Variants in MMAB observed in about 807,000 individuals in gnomAD.
The protein encoded by MMAB is metabolism of cobalamin associated B.
MMAB carries 17 observed loss-of-function variants against 30.6 expected under a neutral mutation model. The ratio of observed to expected loss-of-function variants is 0.56; its 90% CI spans 0.38 to 0.83. The LOEUF is 0.83. Ranked by LOEUF, MMAB falls within the 40% of genes least tolerant of loss-of-function variation. The probability of loss-of-function intolerance (pLI) is 0.00; values close to 1 mark genes in which losing one functional copy is unlikely to be tolerated. For missense variants in MMAB, 311 were observed against 331.6 expected, an observed-to-expected ratio of 0.94 and a Z score of 0.48; for synonymous variants, 134 against 138.6, an observed-to-expected ratio of 0.97 and a Z score of 0.23.
At chr12:109,563,603 G>A (rs1884294815) in intron 4 of MMAB, among the ~76,000 whole-genome samples, 1 of 152,242 alleles carries the variant, frequency 6.6e-6, no homozygotes, top group East Asian at 1.9e-4. Flanking sequence ...TGGAGATTAG[G>A]TGGCCAGGGA....
chr12:109,554,349 C>G lies in MMAB; in HGVS notation c.*2679G>C, dbSNP rs546327751. On this transcript the variant is annotated 3_prime_UTR_variant, in exon 9 of 9. Transcript: ENST00000545712. The stretch of plus-strand genomic sequence containing the variant: ...ACACAAGAGCCAACTGCCAGCTTGT[C>G]TCTGGAAATGACACTAAACACCCCA... The G allele has an allele frequency of 4.9e-4, 224 of 454,094 alleles. 2 individuals carry two copies. The highest frequency in any genetic ancestry group is 3.2e-3 in the South Asian group (205 of 64,480). The allele number at this position is 454,094 out of a possible 1,614,324, so 28.1% of individuals were successfully genotyped here.
Position 109,554,763 on chromosome 12 carries a change from T to TA in MMAB, c.*2264dup, listed in dbSNP as rs1351205018. The stretch of plus-strand genomic sequence containing the variant: ...CTTTTCTTTTGCCTCGGGCTCTTGA[T>TA]AGAGCTTTTGAAAGGCACTGCAGAA... On this transcript the variant is annotated 3_prime_UTR_variant, in exon 9 of 9. Coordinates refer to ENST00000545712, the MANE Select transcript of MMAB (RefSeq NM_052845.4). 8.8e-6 allele frequency: 4 copies of TA among 454,028 alleles called. No homozygotes were observed. The highest frequency in any genetic ancestry group is 1.8e-5 in the Non-Finnish European group (4 of 226,802). 28.1% of individuals were successfully genotyped at this position (454,028 alleles called of 1,614,324 possible). A position where few individuals can be genotyped will look rare whatever the true frequency, so the allele number is the denominator to read the frequency against.
chr12:109,556,451 G>T lies in MMAB; in HGVS notation c.*577C>A, dbSNP rs781551147. 4.4e-5 allele frequency: 20 copies of T among 453,976 alleles called. No individual in the cohort carries two copies. The highest frequency in any genetic ancestry group is 1.6e-4 in the South Asian group (10 of 64,478). 28.1% of individuals were successfully genotyped at this position (453,976 alleles called of 1,614,324 possible). ...TCTGAGCCTCGCCTGTCAATCTGCAGCTATCCTTCCCCCACACTTTGGCGG... is the reference window on the plus strand; with the variant it reads ...TCTGAGCCTCGCCTGTCAATCTGCATCTATCCTTCCCCCACACTTTGGCGG... On this transcript the variant is annotated 3_prime_UTR_variant, in exon 9 of 9. Coordinates refer to ENST00000545712, the MANE Select transcript of MMAB (RefSeq NM_052845.4).
At position 109,555,039 on chromosome 12, in the gene MMAB, C is replaced by T. The variant is rs1038948368; in HGVS notation, c.*1989G>A. On this transcript the variant is annotated 3_prime_UTR_variant, in exon 9 of 9. Transcript: ENST00000545712. Reference sequence around the variant, plus strand: ...AGGACAGGACTTGGCAACAGGTGAACGGCCTTGTTTCAAAGATTGTCACTT... The same window carrying T: ...AGGACAGGACTTGGCAACAGGTGAATGGCCTTGTTTCAAAGATTGTCACTT... The T allele has an allele frequency of 1.3e-5, 6 of 453,984 alleles. No homozygotes were observed. Among genetic ancestry groups the T allele is most frequent in the East Asian group, 1.4e-4 (2 of 14,404 alleles). 28.1% of individuals were successfully genotyped at this position (453,984 alleles called of 1,614,324 possible).
intron 3 of MMAB, among the ~76,000 whole-genome samples, chr12:109,566,661 T>C (rs969422116): frequency 6.6e-6 from 1 of 151,978 alleles, no homozygotes; most frequent in Non-Finnish European, 1.5e-5. Flanking sequence ...CTCAGGAAGG[T>C]GGGGCTGAGG....
rs1038185424 is a variant in MMAB, at chr12:109,553,973, C to T, written c.*3055G>A. 6.6e-6 allele frequency: 3 copies of T among 454,054 alleles called. No individual in the cohort carries two copies. Among genetic ancestry groups the T allele is most frequent in the Admixed American group, 2.3e-5 (1 of 42,566 alleles). 28.1% of individuals were successfully genotyped at this position (454,054 alleles called of 1,614,324 possible). On this transcript the variant is annotated 3_prime_UTR_variant, in exon 9 of 9. Coordinates refer to ENST00000545712, the MANE Select transcript of MMAB (RefSeq NM_052845.4). The stretch of plus-strand genomic sequence containing the variant: ...TTACTCGATGAAAAACGCACATTAA[C>T]GATAGCCATGAAATATTAGTTAAGG...
Position 109,569,616 on chromosome 12 carries a change from A to G in MMAB, c.197-753T>C, listed in dbSNP as rs902931536. Among the ~76,000 whole-genome samples the G allele has an allele frequency of 6.6e-6, 1 of 152,018 alleles. No homozygotes were observed. The highest frequency in any genetic ancestry group is 1.5e-5 in the Non-Finnish European group (1 of 67,996). On this transcript the variant is annotated intron_variant, in intron 2 of 8. Coordinates refer to ENST00000545712, the MANE Select transcript of MMAB (RefSeq NM_052845.4). This position sits in a 1 kb window ranked among gnomAD's most constrained non-coding sequence, Gnocchi z 4.1. ...CTCACAGTCCCGCCTTTCTCCCCCAACCTCTGAGAAAGTGAAAACTGCCCC... is the reference window on the plus strand; with the variant it reads ...CTCACAGTCCCGCCTTTCTCCCCCAGCCTCTGAGAAAGTGAAAACTGCCCC...
rs746823302 is a variant in MMAB, at chr12:109,555,275, GTTTTTTTT to G, written c.*1745_*1752del. On this transcript the variant is annotated 3_prime_UTR_variant, in exon 9 of 9. Transcript: ENST00000545712. Reference sequence around the variant, plus strand: ...GAGCCTTAGTGATTGCGTTTTCAGGGTTTTTTTTTTTTTTTTTTTTTTTTTGTGACGGA... The same window carrying G: ...GAGCCTTAGTGATTGCGTTTTCAGGGTTTTTTTTTTTTTTTTTGTGACGGA... The G allele has an allele frequency of 2.4e-4, 82 of 343,714 alleles. No individual in the cohort carries two copies. The highest frequency in any genetic ancestry group is 9.6e-4 in the Middle Eastern group (1 of 1,046). 21.3% of individuals were successfully genotyped at this position (343,714 alleles called of 1,614,324 possible). A position where few individuals can be genotyped will look rare whatever the true frequency, so the allele number is the denominator to read the frequency against.
intron 3 of MMAB, chr12:109,568,314 T>C (rs1884510299): frequency 5.2e-6 from 1 of 192,480 alleles, no homozygotes; most frequent in Non-Finnish European, 1.1e-5. Context: ...AGTCAGGAGA[T>C]TTTGGGGTTG....
At chr12:109,565,871 C>T (rs1884404234) in intron 3 of MMAB, among the ~76,000 whole-genome samples, 2 of 152,156 alleles carry the variant, frequency 1.3e-5, no homozygotes. Context: ...CCCCCCGACA[C>T]AGGTCAGGAC....
rs886048927 is a variant in MMAB at position 109,559,147 on chromosome 12, G to C, written c.593C>G (p.Pro198Arg). ...VCRRAERRVV[P>R]LVQMGETDAN... is the part of the protein sequence containing the mutation. The stretch of plus-strand genomic sequence containing the variant: ...ATCGGTCTCTCCCATCTGGACAAGA[G>C]GCACCACACTAGAAAGGGAGGAGAC... Residue 198 changes from proline to arginine, a missense_variant, in exon 8 of 9, where the codon CCT (proline) becomes CGT (arginine). Pro to Arg is a moderately radical substitution (Grantham distance 103). Transcript: ENST00000545712. 8 of 1,613,472 alleles carry C rather than the reference G, an allele frequency of 5.0e-6. No individual in the cohort carries two copies. The highest frequency in any genetic ancestry group is 6.8e-6 in the Non-Finnish European group (8 of 1,179,620).
At position 109,556,143 on chromosome 12, in the gene MMAB, A is replaced by G. The variant is rs755374026; in HGVS notation, c.*885T>C. 1.3e-5 allele frequency: 6 copies of G among 452,932 alleles called. No homozygotes were observed. The highest frequency in any genetic ancestry group is 4.7e-5 in the South Asian group (3 of 64,452). 28.1% of individuals were successfully genotyped at this position (452,932 alleles called of 1,614,324 possible). A position where few individuals can be genotyped will look rare whatever the true frequency, so the allele number is the denominator to read the frequency against. ...TTCATAGCAGGAGGGAGCAGCAGTGACAACTGAAATAAATACAGCCGTGGC... is the reference window on the plus strand; with the variant it reads ...TTCATAGCAGGAGGGAGCAGCAGTGGCAACTGAAATAAATACAGCCGTGGC... On this transcript the variant is annotated 3_prime_UTR_variant, in exon 9 of 9. Coordinates refer to ENST00000545712, the MANE Select transcript of MMAB (RefSeq NM_052845.4).
rs374857423 is a variant in MMAB, at chr12:109,561,194, C to G, written c.520-90G>C. Reference sequence around the variant, plus strand: ...TCCTCTGAAGTCCAGCCCTGCCCCCCAAACCGGGCAGTGTTCTGCCTCCAG... The same window carrying G: ...TCCTCTGAAGTCCAGCCCTGCCCCCGAAACCGGGCAGTGTTCTGCCTCCAG... On this transcript the variant is annotated intron_variant, in intron 6 of 8. Coordinates refer to ENST00000545712, the MANE Select transcript of MMAB (RefSeq NM_052845.4). The surrounding 1 kb of genome is among the most constrained non-coding windows in gnomAD (Gnocchi z 5.3). 1 of 1,595,032 alleles carries G rather than the reference C, an allele frequency of 6.3e-7. No individual in the cohort carries two copies. Among genetic ancestry groups the G allele is most frequent in the South Asian group, 1.1e-5 (1 of 90,938 alleles).
Position 109,563,207 on chromosome 12 carries a change from G to A in MMAB, c.349-1355C>T, listed in dbSNP as rs553441028. Among the ~76,000 whole-genome samples the A allele has an allele frequency of 5.9e-5, 9 of 152,354 alleles. No individual in the cohort carries two copies. In the South Asian group the frequency reaches 1.0e-3, roughly 18 times the overall value. On this transcript the variant is annotated intron_variant, in intron 4 of 8. Transcript: ENST00000545712. ...ACCCACTTGGTTGGCCACGTGCAGCGTGTACCCCAAGGGCTGGGGAGAAAT... is the reference window on the plus strand; with the variant it reads ...ACCCACTTGGTTGGCCACGTGCAGCATGTACCCCAAGGGCTGGGGAGAAAT...
intron 7 of MMAB, among the ~76,000 whole-genome samples, chr12:109,560,685 C>A (rs964214672): frequency 6.6e-6 from 1 of 152,212 alleles, no homozygotes; most frequent in Non-Finnish European, 1.5e-5. Flanking sequence ...AGGCTGAGAA[C>A]CCAGCAATAA....
rs1555273916 is a variant in MMAB at position 109,556,648 on chromosome 12, T to TCTCTCTCACACACA, written c.*379_*380insTGTGTGTGAGAGAG. The TCTCTCTCACACACA allele has an allele frequency of 1.9e-4, 63 of 328,366 alleles. No homozygotes were observed. The highest frequency in any genetic ancestry group is 1.2e-3 in the African/African-American group (40 of 34,038). 20.3% of individuals were successfully genotyped at this position (328,366 alleles called of 1,614,324 possible). ...GAGCTGGCAGTGGGAGGGCTCTCTC[T>TCTCTCTCACACACA]CACACACACACACACACACACACAC... On this transcript the variant is annotated 3_prime_UTR_variant, in exon 9 of 9. Transcript: ENST00000545712.
chr12:109,568,959 T>C, intron 2 of MMAB, 96 bp from the exon 3 acceptor site: 3 of 969,562 alleles, frequency 3.1e-6, no homozygotes, highest in Non-Finnish European at 3.3e-6. Flanking sequence ...TAAAGAACTT[T>C]CTCTTTTTTG....
rs1883923153 is a variant in MMAB at position 109,555,266 on chromosome 12, G to GT, written c.*1761dup. The GT allele has an allele frequency of 2.5e-6, 1 of 396,062 alleles. No homozygotes were observed. Among genetic ancestry groups the GT allele is most frequent in the Admixed American group, 3.0e-5 (1 of 33,284 alleles). 24.5% of individuals were successfully genotyped at this position (396,062 alleles called of 1,614,324 possible). On this transcript the variant is annotated 3_prime_UTR_variant, in exon 9 of 9. Coordinates refer to ENST00000545712, the MANE Select transcript of MMAB (RefSeq NM_052845.4). Reference sequence around the variant, plus strand: ...TCCCTGACCGAGCCTTAGTGATTGCGTTTTCAGGGTTTTTTTTTTTTTTTT... The same window carrying GT: ...TCCCTGACCGAGCCTTAGTGATTGCGTTTTTCAGGGTTTTTTTTTTTTTTTT...
At position 109,568,854 on chromosome 12, in the gene MMAB, C is replaced by G. The variant is rs147297426; in HGVS notation, c.206G>C (p.Ser69Thr). 1.9e-6 allele frequency: 3 copies of G among 1,613,196 alleles called. No individual in the cohort carries two copies. The Admixed American group carries it at 5.0e-5, about 27-fold the overall frequency. Reference sequence around the variant, plus strand: ...GGGTCTCCTTTCTCCTGTGAAGGTACTAGAAAACCCTGTGGAAAAAAATGT... The same window carrying G: ...GGGTCTCCTTTCTCCTGTGAAGGTAGTAGAAAACCCTGTGGAAAAAAATGT... ...YTKTGDKGFSSTFTGERRPKD... is the reference protein window; with the variant it reads ...YTKTGDKGFSTTFTGERRPKD... The change falls in exon 3 of 9, where the codon AGT becomes ACT. Residue 69 changes from serine (S) to threonine (T), a missense_variant. Transcript: ENST00000545712.
Sources: allele counts gnomAD v4.1 joint callset (sites outside exome capture counted in the v4.1 genomes callset), GRCh38; gene constraint gnomAD v4.1.1; non-coding constraint Gnocchi (gnomAD v3.1); transcripts MANE v1.5; gene names NCBI Gene and HGNC (gene_info 2026-07-23, HGNC 2026-07-21).